The following CTNND2 variants were observed in gnomAD, a reference collection of about 807,000 sequenced individuals.
CTNND2 encodes catenin delta-2.
Under a neutral mutation model 144.4 loss-of-function variants are expected in CTNND2, and 22 were observed. That is an observed-to-expected ratio of 0.15 (90% CI 0.11 to 0.22). The LOEUF (loss-of-function observed/expected upper bound fraction) is 0.22, where lower values mean the gene tolerates loss of function less well. CTNND2 is among the 10% of genes least tolerant of loss of function. CTNND2 has a pLI of 1.00. For missense variants in CTNND2, 1,353 were observed against 1,618.8 expected, an observed-to-expected ratio of 0.84 and a Z score of 2.82; for synonymous variants, 751 against 695.6, an observed-to-expected ratio of 1.08 and a Z score of -1.25.
intron 7 of CTNND2, among the ~76,000 whole-genome samples, chr5:11,380,216 G>T (rs1352788711): frequency 1.3e-5 from 2 of 152,142 alleles, no homozygotes; most frequent in Non-Finnish European, 1.5e-5. Context: ...GAAACCAGGG[G>T]TTATGCCTCA....
rs187436447 is a variant in CTNND2, at chr5:11,357,714, C to T, written c.1372+6982G>A. On this transcript the variant is annotated intron_variant, in intron 8 of 21. Coordinates refer to ENST00000304623, the MANE Select transcript of CTNND2 (RefSeq NM_001332.4). ...GTTCTCACCACAAAGACATGACAAA[C>T]GCATGTGGTGATGGATACACACACT... Among the ~76,000 whole-genome samples the T allele has an allele frequency of 5.6e-4, 85 of 152,154 alleles. 1 individual carries two copies. Among genetic ancestry groups the T allele is most frequent in the African/African-American group, 1.6e-3 (68 of 41,508 alleles).
At chr5:11,775,771 T>A (rs968227046) in intron 1 of CTNND2, among the ~76,000 whole-genome samples, 2 of 152,212 alleles carry the variant, frequency 1.3e-5, no homozygotes. Flanking sequence ...CCGACATTTA[T>A]GTCCACTGGA....
At chr5:11,881,804 G>C (rs1266160276) in intron 1 of CTNND2, among the ~76,000 whole-genome samples, 1 of 151,948 alleles carries the variant, frequency 6.6e-6, no homozygotes, top group Non-Finnish European at 1.5e-5. Context: ...GTTTTTTGAA[G>C]AACTGCCCTA....
rs1449852945 is a variant in CTNND2, at chr5:11,903,906, C to T, written c.-53G>A. On this transcript the variant is annotated 5_prime_UTR_variant, in exon 1 of 22. Transcript: ENST00000304623. The surrounding 1 kb of genome is among the most constrained non-coding windows in gnomAD (Gnocchi z 5.4). Reference sequence around the variant, plus strand: ...GTCCGGGAAGAGGCGTGCGCGGCGCCGCCCGGCTTCAGGGCAAGGTCCTGA... The same window carrying T: ...GTCCGGGAAGAGGCGTGCGCGGCGCTGCCCGGCTTCAGGGCAAGGTCCTGA... 2.1e-6 allele frequency: 3 copies of T among 1,396,566 alleles called. No homozygotes were observed. The African/African-American group carries it at 4.6e-5, about 21-fold the overall frequency. 86.5% of individuals were successfully genotyped at this position (1,396,566 alleles called of 1,614,324 possible).
chr5:11,157,837 G>A (rs1018799545), intron 12 of CTNND2, among the ~76,000 whole-genome samples: 2 of 152,188 alleles, frequency 1.3e-5, no homozygotes, highest in African/African-American at 4.8e-5. Flanking sequence ...GCAGCAGCAA[G>A]TGTCGAGCTG....
chr5:11,766,579 G>C (rs1399942298), intron 1 of CTNND2, among the ~76,000 whole-genome samples: 2 of 152,172 alleles, frequency 1.3e-5, no homozygotes, highest in Admixed American at 1.3e-4. Flanking sequence ...ACATAGAACT[G>C]TAAGTCCACT....
At chr5:11,766,741 C>T (rs1310707270) in intron 1 of CTNND2, among the ~76,000 whole-genome samples, 1 of 152,148 alleles carries the variant, frequency 6.6e-6, no homozygotes, top group Non-Finnish European at 1.5e-5. Flanking sequence ...GGAGGGAAGG[C>T]TTTCAGTCCT....
At chr5:11,359,090 T>C (rs929832053) in intron 8 of CTNND2, among the ~76,000 whole-genome samples, 3 of 152,244 alleles carry the variant, frequency 2.0e-5, no homozygotes, top group Admixed American at 1.3e-4. Context: ...ACATTTGAGT[T>C]TGAAATAAAA....
chr5:11,402,862 C>T (rs1760752876), intron 5 of CTNND2, among the ~76,000 whole-genome samples: 1 of 152,128 alleles, frequency 6.6e-6, no homozygotes, highest in Admixed American at 6.5e-5. Context: ...AAAATTAAAA[C>T]GTTAATGGTC....
chr5:11,466,262 A>T (rs1413181164), intron 3 of CTNND2, among the ~76,000 whole-genome samples: 1 of 152,024 alleles, frequency 6.6e-6, no homozygotes, highest in African/African-American at 2.4e-5. Flanking sequence ...TTGGCCTCCC[A>T]AAGGACATAA....
At chr5:11,137,925 A>C (rs1372279394) in intron 12 of CTNND2, among the ~76,000 whole-genome samples, 1 of 152,220 alleles carries the variant, frequency 6.6e-6, no homozygotes, top group East Asian at 1.9e-4. Context: ...ATTACCTTAC[A>C]GTTCTCTCTT....
At chr5:11,821,781 T>C (rs1309148239) in intron 1 of CTNND2, among the ~76,000 whole-genome samples, 3 of 152,184 alleles carry the variant, frequency 2.0e-5, no homozygotes. Context: ...CAATTAGAAA[T>C]ATGAAAATTT....
intron 10 of CTNND2, among the ~76,000 whole-genome samples, chr5:11,234,850 T>C (rs1741446463): frequency 6.6e-6 from 1 of 152,216 alleles, no homozygotes; most frequent in African/African-American, 2.4e-5. Flanking sequence ...CTGAGCAAGC[T>C]GATAAAACTC....
chr5:11,790,285 CAGA>C (rs1177505473), intron 1 of CTNND2, among the ~76,000 whole-genome samples: 3 of 152,122 alleles, frequency 2.0e-5, no homozygotes, highest in Non-Finnish European at 4.4e-5. Context: ...TCCCCTACTC[CAGA>C]AGAAGTTTCA....
At chr5:11,596,432 C>T (rs2150147453) in intron 2 of CTNND2, among the ~76,000 whole-genome samples, 1 of 152,174 alleles carries the variant, frequency 6.6e-6, no homozygotes, top group South Asian at 2.1e-4. Context: ...CTAAGGAATA[C>T]CAATAAGAAA....
In CTNND2 at chr5:11,653,114, T is replaced by TAA. The variant is rs1383954728; in HGVS notation, c.174+79020_174+79021dup. 1.1e-4 allele frequency among the ~76,000 whole-genome samples: 16 copies of TAA among 145,000 alleles called. No homozygotes were observed. In the East Asian group the frequency reaches 2.2e-3, roughly 20 times the overall value. ...GTGTGTGTGTGTGTGTGTGTGTGTG[T>TAA]AACCTACAATTTCTTTATCCATTCA... On this transcript the variant is annotated intron_variant, in intron 2 of 21. Coordinates refer to ENST00000304623, the MANE Select transcript of CTNND2 (RefSeq NM_001332.4).
chr5:11,613,056 G>A (rs1193378910), intron 2 of CTNND2, among the ~76,000 whole-genome samples: 1 of 152,168 alleles, frequency 6.6e-6, no homozygotes, highest in Non-Finnish European at 1.5e-5. Flanking sequence ...ATACTCTTGT[G>A]CTTTGGTTGA....
At chr5:11,372,927 C>T (rs959842580) in intron 7 of CTNND2, among the ~76,000 whole-genome samples, 9 of 152,232 alleles carry the variant, frequency 5.9e-5, no homozygotes, top group African/African-American at 2.2e-4. Flanking sequence ...GTCTCTCCTG[C>T]CTCAGTGCTA....
intron 1 of CTNND2, among the ~76,000 whole-genome samples, chr5:11,823,938 T>C (rs984604544): frequency 2.0e-5 from 3 of 151,856 alleles, no homozygotes; most frequent in African/African-American, 7.3e-5. Flanking sequence ...TGAAACCGTG[T>C]CTCTACTAAA....
Sources: allele counts gnomAD v4.1 joint callset (sites outside exome capture counted in the v4.1 genomes callset), GRCh38; gene constraint gnomAD v4.1.1; non-coding constraint Gnocchi (gnomAD v3.1); transcripts MANE v1.5; gene names NCBI Gene and HGNC (gene_info 2026-07-23, HGNC 2026-07-21).